The following ATG10 variants were observed in gnomAD, a reference collection of about 807,000 sequenced individuals.
The protein encoded by ATG10 is ubiquitin-like-conjugating enzyme ATG10.
ATG10 carries 30 observed loss-of-function variants against 32.1 expected under a neutral mutation model. The ratio of observed to expected loss-of-function variants is 0.94; its 90% confidence interval spans 0.70 to 1.27. The LOEUF (loss-of-function observed/expected upper bound fraction) is 1.27. ATG10 is among the 50% of genes most tolerant of loss of function. The probability of loss-of-function intolerance (pLI) is 0.00; values close to 1 mark genes in which losing one functional copy is unlikely to be tolerated. For synonymous variants in ATG10, 87 were observed against 91.5 expected, an observed-to-expected ratio of 0.95 and a Z score of 0.28; for missense variants, 233 against 262.3, an observed-to-expected ratio of 0.89 and a Z score of 0.77.
intron 5 of ATG10, among the ~76,000 whole-genome samples, chr5:82,179,138 G>C (rs1744141175): frequency 6.6e-6 from 1 of 152,068 alleles, no homozygotes; most frequent in African/African-American, 2.4e-5. Flanking sequence ...GTGAAAAACA[G>C]AATGGTTGTA....
intron 3 of ATG10, among the ~76,000 whole-genome samples, chr5:82,158,670 C>T (rs1767906215): frequency 6.6e-6 from 1 of 151,898 alleles, no homozygotes; most frequent in Admixed American, 6.6e-5. Context: ...GCCAATCCCC[C>T]GTGTATACCT....
chr5:82,061,284 T>G (rs533409348), intron 3 of ATG10, among the ~76,000 whole-genome samples: 2 of 152,104 alleles, frequency 1.3e-5, no homozygotes, highest in Non-Finnish European at 2.9e-5. Flanking sequence ...TATACAAACA[T>G]GTAATATTCA....
intron 5 of ATG10, among the ~76,000 whole-genome samples, chr5:82,207,483 C>CT (rs1026586576): frequency 1.2e-4 from 18 of 151,770 alleles, no homozygotes; most frequent in Admixed American, 2.0e-4. Flanking sequence ...GGTTGCCTGT[C>CT]TTTTTTTTAC....
At chr5:82,238,784 A>G (rs997891094) in intron 5 of ATG10, among the ~76,000 whole-genome samples, 1 of 152,162 alleles carries the variant, frequency 6.6e-6, no homozygotes, top group Non-Finnish European at 1.5e-5. Context: ...ATGGAGTAAC[A>G]AAGGTGGGAG....
intron 4 of ATG10, among the ~76,000 whole-genome samples, chr5:82,171,917 A>C (rs554647238): frequency 6.6e-6 from 1 of 152,332 alleles, no homozygotes; most frequent in South Asian, 2.1e-4. Flanking sequence ...AATACCATCA[A>C]GGAGCTTACA....
At chr5:82,028,515 GT>G (rs1445546654) in intron 2 of ATG10, among the ~76,000 whole-genome samples, 1 of 152,164 alleles carries the variant, frequency 6.6e-6, no homozygotes, top group East Asian at 1.9e-4. Context: ...ATAATTCAAT[GT>G]TTTATTGACA....
At chr5:82,084,613 A>G (rs1324981350) in intron 3 of ATG10, among the ~76,000 whole-genome samples, 2 of 152,376 alleles carry the variant, frequency 1.3e-5, no homozygotes, top group South Asian at 4.1e-4. Context: ...AGGGAAGCCC[A>G]TCAGACTAAC....
At chr5:81,992,168 T>G (rs1219869519) in intron 2 of ATG10, 1 of 152,188 alleles carries the variant, frequency 6.6e-6, no homozygotes, top group Admixed American at 6.5e-5. Context: ...TTTTTAATTT[T>G]TGTAGAGATG....
At chr5:82,012,665 G>GT (rs951242436) in intron 2 of ATG10, among the ~76,000 whole-genome samples, 9 of 150,566 alleles carry the variant, frequency 6.0e-5, no homozygotes, top group Admixed American at 6.6e-5. Context: ...TGTTTTTACT[G>GT]TTTTTTTTTG....
intron 3 of ATG10, among the ~76,000 whole-genome samples, chr5:82,061,809 C>G (rs1763786281): frequency 7.4e-6 from 1 of 134,534 alleles, no homozygotes; most frequent in Non-Finnish European, 1.6e-5. Flanking sequence ...CATACATATA[C>G]ACACATACCT....
chr5:82,148,446 G>A (rs949059170), intron 3 of ATG10, among the ~76,000 whole-genome samples: 14 of 152,046 alleles, frequency 9.2e-5, no homozygotes, highest in Non-Finnish European at 1.6e-4. Flanking sequence ...ATCTCCTATT[G>A]CATCATGAAA....
At chr5:82,103,325 T>A (rs546911322) in intron 3 of ATG10, among the ~76,000 whole-genome samples, 5 of 152,328 alleles carry the variant, frequency 3.3e-5, no homozygotes, top group African/African-American at 1.2e-4. Context: ...ATTGTTGATT[T>A]CTTTTGTATT....
At chr5:82,171,388 G>A (rs550022369) in intron 4 of ATG10, among the ~76,000 whole-genome samples, 18 of 152,222 alleles carry the variant, frequency 1.2e-4, no homozygotes, top group Admixed American at 9.8e-4. Context: ...AACATTTTAA[G>A]CTGATAATTT....
intron 2 of ATG10, among the ~76,000 whole-genome samples, chr5:82,019,918 G>T (rs1383852900): frequency 6.6e-6 from 1 of 152,178 alleles, no homozygotes; most frequent in East Asian, 1.9e-4. Context: ...TGTTCTAGAA[G>T]GCTGATAGTC....
chr5:82,240,812 A>C (rs1204962866), intron 5 of ATG10, among the ~76,000 whole-genome samples: 1 of 152,168 alleles, frequency 6.6e-6, no homozygotes, highest in East Asian at 1.9e-4. Flanking sequence ...AACTTTTACA[A>C]AAGGAAATAA....
intron 4 of ATG10, among the ~76,000 whole-genome samples, chr5:82,175,028 A>G (rs1417152768): frequency 6.6e-6 from 1 of 152,142 alleles, no homozygotes; most frequent in African/African-American, 2.4e-5. Flanking sequence ...CGACTGTCTA[A>G]GCCATCTCAA....
intron 2 of ATG10, chr5:82,009,661 A>G: frequency 6.3e-7 from 1 of 1,590,998 alleles, no homozygotes; most frequent in South Asian, 1.1e-5. Flanking sequence ...CTGGACCCAA[A>G]GCACTCCATG....
rs565128020 is a variant in ATG10 at position 81,997,914 on chromosome 5, T to C, written c.108+10236T>C. ...GTAAAGAGATCACCCCTGTGACTCA[T>C]TGGTATCCCTGAAAGAGAGGGAGAG... is the stretch of plus-strand genomic sequence containing the variant. On this transcript the variant is annotated intron_variant, in intron 2 of 7. Transcript: ENST00000282185. 1.1e-4 allele frequency among the ~76,000 whole-genome samples: 17 copies of C among 152,354 alleles called. 1 individual carries two copies. The highest frequency in any genetic ancestry group is 3.3e-4 in the Admixed American group (5 of 15,304).
At chr5:82,189,726 C>T (rs949263416) in intron 5 of ATG10, among the ~76,000 whole-genome samples, 5 of 152,104 alleles carry the variant, frequency 3.3e-5, no homozygotes, top group African/African-American at 4.8e-5. Flanking sequence ...TGGGCTCAAG[C>T]GATTCTCCTG....
Sources: gnomAD v4.1 joint callset for allele counts (sites outside exome capture counted in the v4.1 genomes callset) on GRCh38, gnomAD v4.1.1 for gene constraint, MANE v1.5 for transcripts, NCBI Gene and HGNC (gene_info 2026-07-23, HGNC 2026-07-21) for gene names.